Variants in NCOR2 observed in about 807,000 individuals in gnomAD.
NCOR2 encodes the protein nuclear receptor corepressor 2.
NCOR2 carries 81 observed loss-of-function variants against 262.9 expected under a neutral mutation model. The observed-to-expected ratio is 0.31, with a 90% CI of 0.26 to 0.37. NCOR2 has a LOEUF of 0.37. NCOR2 is among the 10% of genes least tolerant of loss of function. The pLI is 1.00. For missense variants in NCOR2, 3,385 were observed against 3,621.4 expected, an observed-to-expected ratio of 0.93 and a Z score of 1.68; for synonymous variants, 1,659 against 1,559.3, an observed-to-expected ratio of 1.06 and a Z score of -1.51.
chr12:124,551,812 T>A (rs965629239), intron 1 of NCOR2, among the ~76,000 whole-genome samples: 2 of 152,174 alleles, frequency 1.3e-5, no homozygotes, highest in Non-Finnish European at 2.9e-5. Context: ...CTCTTTTTAA[T>A]AAGCTGGAAG....
rs2136800578 is a variant in NCOR2 at position 124,483,662 on chromosome 12, G to T, written c.345C>A (p.Asp115Glu). 1 of 1,611,770 alleles carries T rather than the reference G, an allele frequency of 6.2e-7. No homozygotes were observed. The highest frequency in any genetic ancestry group is 1.1e-5 in the South Asian group (1 of 90,626). ...GCAGGGGTGACGGTCGCAGCAGGGG[G>T]TCAGGCAGCAGCTCTAGCCGAGGGC... The change falls in exon 3 of 47, where the codon GAC (aspartate) becomes GAA (glutamate). Residue 115 changes from aspartate (D) to glutamate (E), a missense_variant. Asp to Glu is a conservative substitution (Grantham distance 45). This residue lies in a region of NCOR2 where 237 missense variants were observed against 229.4 expected (regional missense o/e 1.03). Transcript: ENST00000405201. The surrounding 1 kb of genome is among the most constrained non-coding windows in gnomAD (Gnocchi z 6.3).
chr12:124,485,923 C>T (rs1310149561), intron 2 of NCOR2, among the ~76,000 whole-genome samples: 1 of 151,790 alleles, frequency 6.6e-6, no homozygotes, highest in East Asian at 1.9e-4. Context: ...CCCTGGCCCT[C>T]CCCTTGCTGT....
chr12:124,385,631 C>T (rs2040750706), intron 17 of NCOR2, 114 bp downstream of exon 19: 8 of 1,446,420 alleles, frequency 5.5e-6, no homozygotes, highest in South Asian at 2.7e-5. Flanking sequence ...AACAAGGCGG[C>T]ATAATAGCCC....
At position 124,486,569 on chromosome 12, in the gene NCOR2, C is replaced by A; in HGVS notation, c.106-1G>T. ...GCTGGTACTCCAGGAGCCCGACGTC[C>A]TGCAGGAGGGGACAGAGGAGTGGTG... On this transcript the variant is annotated splice_acceptor_variant, in intron 1 of 46. Transcript: ENST00000405201. LOFTEE classifies it high-confidence loss of function. 1 of 1,567,974 alleles carries A rather than the reference C, an allele frequency of 6.4e-7. No homozygotes were observed. Among genetic ancestry groups the A allele is most frequent in the South Asian group, 1.2e-5 (1 of 85,842 alleles).
chr12:124,543,717 G>A (rs905676834), intron 1 of NCOR2, among the ~76,000 whole-genome samples: 2 of 152,212 alleles, frequency 1.3e-5, no homozygotes, highest in Non-Finnish European at 2.9e-5. Context: ...GGGCTCTGTC[G>A]GGGTGGCAGC....
At chr12:124,380,877 T>TA (rs2040364851) in intron 17 of NCOR2, among the ~76,000 whole-genome samples, 1 of 152,018 alleles carries the variant, frequency 6.6e-6, no homozygotes, top group Admixed American at 6.5e-5. Flanking sequence ...TCCCAGGAGT[T>TA]ACAGTTAATC....
intron 22 of NCOR2, among the ~76,000 whole-genome samples, chr12:124,357,575 C>T (rs1475452390): frequency 6.6e-6 from 1 of 152,252 alleles, no homozygotes; most frequent in African/African-American, 2.4e-5. Context: ...GAATTACAGG[C>T]GTGAGCCCCC....
At chr12:124,339,147 C>A (rs1446564367) in intron 37 of NCOR2, among the ~76,000 whole-genome samples, 1 of 150,054 alleles carries the variant, frequency 6.7e-6, no homozygotes, top group East Asian at 2.0e-4. Context: ...ACCCATCCAT[C>A]CATCCACCCA....
chr12:124,494,167 A>G (rs2048249039), intron 1 of NCOR2, among the ~76,000 whole-genome samples: 1 of 152,186 alleles, frequency 6.6e-6, no homozygotes, highest in Non-Finnish European at 1.5e-5. Context: ...GTCCTCCCAC[A>G]CAGCTTCCTT....
intron 1 of NCOR2, among the ~76,000 whole-genome samples, chr12:124,527,637 C>T (rs1173147370): frequency 1.3e-5 from 2 of 152,126 alleles, no homozygotes; most frequent in African/African-American, 2.4e-5. Context: ...AGGCTGGTCT[C>T]GAACTCCTGA....
chr12:124,396,678 G>A (rs2041679616), intron 16 of NCOR2, among the ~76,000 whole-genome samples: 1 of 152,144 alleles, frequency 6.6e-6, no homozygotes, highest in African/African-American at 2.4e-5. Context: ...AGCCTGGGGG[G>A]CGGAGGGCAG....
intron 1 of NCOR2, among the ~76,000 whole-genome samples, chr12:124,490,605 G>C (rs547232498): frequency 1.3e-5 from 2 of 151,818 alleles, no homozygotes; most frequent in Admixed American, 6.5e-5. Flanking sequence ...GCTGCAAGGG[G>C]GCCATGAAGC....
exon 16 of NCOR2, chr12:124,398,137 TTTC>T: frequency 6.2e-7 from 1 of 1,614,218 alleles, no homozygotes; most frequent in Non-Finnish European, 8.5e-7. Context: ...GCTGTTTCCA[TTTC>T]TTCTTCTGTC....
intron 1 of NCOR2, among the ~76,000 whole-genome samples, chr12:124,506,118 A>C (rs1352430271): frequency 1.1e-4 from 16 of 145,820 alleles, no homozygotes; most frequent in Admixed American, 8.9e-4. Flanking sequence ...CCCCACCTCC[A>C]CTCCAGGCCA....
intron 1 of NCOR2, among the ~76,000 whole-genome samples, chr12:124,487,516 G>A (rs920533787): frequency 2.0e-5 from 3 of 152,218 alleles, no homozygotes; most frequent in Admixed American, 1.3e-4. Flanking sequence ...TTGGCCTTGC[G>A]GGGCTCTGCC....
chr12:124,380,459 G>A (rs190806353), intron 17 of NCOR2, among the ~76,000 whole-genome samples: 5 of 152,312 alleles, frequency 3.3e-5, no homozygotes, highest in African/African-American at 1.2e-4. Context: ...GGCCCACAGG[G>A]ATGCCCAGCT....
chr12:124,358,297 G>A lies in NCOR2; in HGVS notation c.3101-1515C>T, dbSNP rs538406621. Among the ~76,000 whole-genome samples, 304 of 148,774 alleles carry A rather than the reference G, an allele frequency of 2.0e-3. 1 individual carries two copies. Among genetic ancestry groups the A allele is most frequent in the African/African-American group, 7.5e-3 (291 of 38,944 alleles). ...ACCTGTGATGTGTGTATGTGCACGT[G>A]CACGTGTATGTGCGTGTGTGTGAGT... On this transcript the variant is annotated intron_variant, in intron 22 of 46. Transcript: ENST00000405201.
In NCOR2 at chr12:124,531,170, A is replaced by C. The variant is rs2050751399; in HGVS notation, c.-118+4395T>G. Among the ~76,000 whole-genome samples, 1 of 152,190 alleles carries C rather than the reference A, an allele frequency of 6.6e-6. No individual in the cohort carries two copies. The highest frequency in any genetic ancestry group is 2.4e-5 in the African/African-American group (1 of 41,432). Reference sequence around the variant, plus strand: ...TTCAGGAGAAGGACGTCTGGGAGGCATCCACCAACTCATGCTGAACAACAG... The same window carrying C: ...TTCAGGAGAAGGACGTCTGGGAGGCCTCCACCAACTCATGCTGAACAACAG... On this transcript the variant is annotated intron_variant, in intron 1 of 46. Coordinates refer to the NCOR2 transcript ENST00000404621. This position sits in a 1 kb window ranked among gnomAD's most constrained non-coding sequence, Gnocchi z 4.5.
chr12:124,487,417 C>A (rs911264497), intron 1 of NCOR2, among the ~76,000 whole-genome samples: 1 of 152,274 alleles, frequency 6.6e-6, no homozygotes, highest in African/African-American at 2.4e-5. Context: ...AATAACACAC[C>A]GTCGTCCATT....
Sources: allele counts gnomAD v4.1 joint callset (sites outside exome capture counted in the v4.1 genomes callset), GRCh38; gene constraint gnomAD v4.1.1; regional missense constraint gnomAD v4.1.1; non-coding constraint Gnocchi (gnomAD v3.1); transcripts MANE v1.5; gene names NCBI Gene and HGNC (gene_info 2026-07-23, HGNC 2026-07-21).